Variants in TMEM178B observed in about 807,000 individuals in gnomAD.
TMEM178B encodes the protein transmembrane protein 178B.
Under a neutral mutation model 31.0 loss-of-function variants are expected in TMEM178B, and 5 were observed. That is an observed-to-expected ratio of 0.16 (90% CI 0.08 to 0.34). The LOEUF (loss-of-function observed/expected upper bound fraction) is 0.34. TMEM178B is among the 10% of genes least tolerant of loss of function. The pLI is 1.00. For missense variants in TMEM178B, 275 were observed against 400.3 expected (o/e 0.69, Z 2.67); for synonymous variants, 164 against 164.0 (o/e 1.00, Z 0.00).
chr7:141,186,665 G>A (rs983113084), intron 1 of TMEM178B, among the ~76,000 whole-genome samples: 2 of 152,128 alleles, frequency 1.3e-5, no homozygotes, highest in Admixed American at 6.5e-5. Flanking sequence ...TCTTGTGCTG[G>A]GCCATATGGC....
chr7:141,506,855 G>A, the TMEM178B span, among the ~76,000 whole-genome samples: 3 of 152,132 alleles, frequency 2.0e-5, no homozygotes, highest in Admixed American at 2.0e-4. Context: ...AGATACAATA[G>A]GGGTACAGGT....
chr7:141,408,523 T>C (rs1283735335), intron 2 of TMEM178B, among the ~76,000 whole-genome samples: 6 of 152,268 alleles, frequency 3.9e-5, no homozygotes, highest in Admixed American at 2.0e-4. Context: ...AGGGATCACA[T>C]TGAGAGAATC....
chr7:141,358,393 C>T (rs1284524265), intron 2 of TMEM178B, among the ~76,000 whole-genome samples: 1 of 152,140 alleles, frequency 6.6e-6, no homozygotes, highest in African/African-American at 2.4e-5. Context: ...GTTTCATCTA[C>T]AAGAAACCTC....
In TMEM178B at chr7:141,318,529, C is replaced by A. The variant is rs73737769; in HGVS notation, c.496+105825C>A. ...TTTTCACTCACACTAAGGTAAATAC[C>A]ATTTGTCACTCAATGAGAAATAAAG... is the stretch of plus-strand genomic sequence containing the variant. On this transcript the variant is annotated intron_variant, in intron 2 of 3. Coordinates refer to ENST00000565468, the MANE Select transcript of TMEM178B (RefSeq NM_001195278.2). The surrounding 1 kb of genome is among the most constrained non-coding windows in gnomAD (Gnocchi z 4.1). Among the ~76,000 whole-genome samples, 1,629 of 152,210 alleles carry A rather than the reference C, an allele frequency of 0.011. 27 individuals are homozygous for A. Among genetic ancestry groups the A allele is most frequent in the African/African-American group, 0.037 (1,522 of 41,526 alleles).
intron 1 of TMEM178B, among the ~76,000 whole-genome samples, chr7:141,200,050 CA>C (rs35726549): frequency 1.0e-4 from 15 of 148,626 alleles, no homozygotes; most frequent in East Asian, 3.9e-4. Context: ...GACTCTGTCT[CA>C]AAAAAAAAAT....
intron 2 of TMEM178B, among the ~76,000 whole-genome samples, chr7:141,379,506 A>T (rs1266426198): frequency 1.3e-5 from 2 of 152,114 alleles, no homozygotes; most frequent in Non-Finnish European, 2.9e-5. Context: ...TAAAATGTCT[A>T]GAGTGCCCCT....
chr7:141,125,338 A>G (rs1795473471), intron 1 of TMEM178B, among the ~76,000 whole-genome samples: 1 of 152,164 alleles, frequency 6.6e-6, no homozygotes, highest in East Asian at 1.9e-4. Context: ...CAGTAACAAC[A>G]TAAAAACTCC....
chr7:141,217,755 C>T (rs990451016), intron 2 of TMEM178B, among the ~76,000 whole-genome samples: 19 of 152,052 alleles, frequency 1.2e-4, no homozygotes, highest in African/African-American at 3.9e-4. Context: ...GGTCAGATCC[C>T]TGAGACGCGG....
At chr7:141,419,611 A>C (rs1205338209) in intron 2 of TMEM178B, among the ~76,000 whole-genome samples, 4 of 152,198 alleles carry the variant, frequency 2.6e-5, no homozygotes, top group African/African-American at 4.8e-5. Flanking sequence ...TCCCCAGCTT[A>C]GACTCCTTCA....
chr7:141,284,751 G>A (rs1177079759), intron 2 of TMEM178B, among the ~76,000 whole-genome samples: 2 of 152,178 alleles, frequency 1.3e-5, no homozygotes, highest in Non-Finnish European at 2.9e-5. Flanking sequence ...ACTACTGTCT[G>A]TTCAAACCCA....
intron 1 of TMEM178B, among the ~76,000 whole-genome samples, chr7:141,195,645 C>T (rs1176821486): frequency 1.3e-5 from 2 of 152,200 alleles, no homozygotes; most frequent in South Asian, 4.1e-4. Context: ...TTACCCAGTT[C>T]CAAAGTTGCT....
At chr7:141,081,707 T>C (rs1794689629) in intron 1 of TMEM178B, among the ~76,000 whole-genome samples, 1 of 151,806 alleles carries the variant, frequency 6.6e-6, no homozygotes, top group Non-Finnish European at 1.5e-5. Flanking sequence ...AAAAAGTATA[T>C]AAAGTAAAAA....
At chr7:141,395,269 T>C (rs1023744827) in intron 2 of TMEM178B, among the ~76,000 whole-genome samples, 2 of 152,108 alleles carry the variant, frequency 1.3e-5, no homozygotes, top group Non-Finnish European at 2.9e-5. Context: ...TGAAACCCCA[T>C]CTCTACAAAA....
At chr7:141,438,711 A>G in intron 3 of TMEM178B, among the ~76,000 whole-genome samples, 1 of 140,548 alleles carries the variant, frequency 7.1e-6, no homozygotes, top group African/African-American at 2.6e-5. Flanking sequence ...AAAAAAAAAA[A>G]AAAAAAAAAA....
At position 141,399,467 on chromosome 7, in the gene TMEM178B, T is replaced by C. The variant is rs535152802; in HGVS notation, c.497-38141T>C. On this transcript the variant is annotated intron_variant, in intron 2 of 3. Transcript: ENST00000565468. ...TCAGGTCTCCTGATTCCCAGTCTAG[T>C]GCTTTTTTCATAACATTCCAGTATA... is the stretch of plus-strand genomic sequence containing the variant. Among the ~76,000 whole-genome samples the C allele has an allele frequency of 2.6e-5, 4 of 152,362 alleles. No individual in the cohort carries two copies. The South Asian group carries it at 8.3e-4, about 32-fold the overall frequency.
At chr7:141,494,633 G>A in the TMEM178B span, among the ~76,000 whole-genome samples, 1 of 152,346 alleles carries the variant, frequency 6.6e-6, no homozygotes, top group East Asian at 1.9e-4. Context: ...GCCCAGAACA[G>A]TGGTTCATGC....
At chr7:141,392,061 G>GT (rs555514928) in intron 2 of TMEM178B, among the ~76,000 whole-genome samples, 37,904 of 146,778 alleles carry the variant, frequency 0.26, 4,887 homozygotes, top group Admixed American at 0.29. Context: ...GAATTCTATG[G>GT]TTTTTTTTTT....
At chr7:141,150,134 T>C (rs1795943685) in intron 1 of TMEM178B, among the ~76,000 whole-genome samples, 1 of 152,010 alleles carries the variant, frequency 6.6e-6, no homozygotes, top group Non-Finnish European at 1.5e-5. Flanking sequence ...AAGAGTTGAA[T>C]ATGTGAGTCA....
chr7:141,364,272 T>C (rs931360258), intron 2 of TMEM178B, among the ~76,000 whole-genome samples: 1 of 152,198 alleles, frequency 6.6e-6, no homozygotes, highest in Non-Finnish European at 1.5e-5. Flanking sequence ...TTAGTTCAGT[T>C]AGAGATGCGT....
Sources: gnomAD v4.1 joint callset for allele counts (sites outside exome capture counted in the v4.1 genomes callset) on GRCh38, gnomAD v4.1.1 for gene constraint, Gnocchi (gnomAD v3.1) non-coding constraint, MANE v1.5 for transcripts, NCBI Gene and HGNC (gene_info 2026-07-23, HGNC 2026-07-21) for gene names.